MTR: variants seen among roughly 807,000 people sequenced by gnomAD.
MTR encodes 5-methyltetrahydrofolate-homocysteine methyltransferase.
A neutral mutation model predicts 154.8 loss-of-function variants in MTR; 84 were observed. That is an observed-to-expected ratio of 0.54 (90% CI 0.45 to 0.65). The LOEUF (loss-of-function observed/expected upper bound fraction) is 0.65, where lower values mean the gene tolerates loss of function less well. Ranked by LOEUF, MTR falls within the 30% of genes least tolerant of loss-of-function variation. The pLI is 0.00. For synonymous variants in MTR, 554 were observed against 553.9 expected (o/e 1.00, Z 0.00); for missense variants, 1,275 against 1,570.2 (o/e 0.81, Z 3.18).
chr1:236,853,301 CT>C (rs1466357008), intron 18 of MTR, among the ~76,000 whole-genome samples: 1 of 152,110 alleles, frequency 6.6e-6, no homozygotes, highest in African/African-American at 2.4e-5. Context: ...GTATTCTGAA[CT>C]TAGGTTTCTT....
At chr1:236,812,376 C>T (rs1661353171) in intron 5 of MTR, among the ~76,000 whole-genome samples, 2 of 152,232 alleles carry the variant, frequency 1.3e-5, no homozygotes, top group African/African-American at 2.4e-5. Flanking sequence ...TGGCATGTTT[C>T]TCACAGCCAT....
intron 1 of MTR, among the ~76,000 whole-genome samples, chr1:236,801,694 C>T (rs1257525871): frequency 1.3e-5 from 2 of 152,202 alleles, no homozygotes; most frequent in Non-Finnish European, 2.9e-5. Context: ...TAGCTTAGAA[C>T]CAGCCCCATT....
intron 10 of MTR, 102 bp downstream of exon 10, chr1:236,825,501 G>T: frequency 8.5e-7 from 1 of 1,179,928 alleles, no homozygotes; most frequent in Admixed American, 1.7e-5. Flanking sequence ...AAATCCCAAT[G>T]TACATATAAC....
chr1:236,861,846 T>A (rs1257351646), intron 20 of MTR, among the ~76,000 whole-genome samples: 1 of 152,166 alleles, frequency 6.6e-6, no homozygotes, highest in Admixed American at 6.5e-5. Flanking sequence ...TAAGACTGGA[T>A]TTTAAGTGAG....
chr1:236,846,487 T>C (rs1378911811), intron 15 of MTR, among the ~76,000 whole-genome samples: 3 of 152,226 alleles, frequency 2.0e-5, no homozygotes, highest in African/African-American at 7.2e-5. Context: ...ATTTTCTTGT[T>C]TTAAAATGAT....
At chr1:236,838,696 A>G in intron 15 of MTR, 97 bp downstream of exon 15, 1 of 1,223,602 alleles carries the variant, frequency 8.2e-7, no homozygotes, top group East Asian at 2.4e-5. Flanking sequence ...ATACATACAC[A>G]TATACATTTA....
chr1:236,846,033 G>A (rs1225477278), intron 15 of MTR, among the ~76,000 whole-genome samples: 1 of 152,202 alleles, frequency 6.6e-6, no homozygotes, highest in African/African-American at 2.4e-5. Context: ...TTGAGTGTTT[G>A]GTTAATGTCT....
intron 24 of MTR, among the ~76,000 whole-genome samples, chr1:236,875,258 G>C (rs778286166): frequency 2.0e-4 from 31 of 152,166 alleles, no homozygotes; most frequent in Admixed American, 5.2e-4. Context: ...ATGATTACAG[G>C]TTCCTTTGAA....
Position 236,901,357 on chromosome 1 carries a change from A to AT in MTR, c.*3715dup, listed in dbSNP as rs1026889286. On this transcript the variant is annotated 3_prime_UTR_variant, in exon 33 of 33. Coordinates refer to ENST00000366577, the MANE Select transcript of MTR (RefSeq NM_000254.3). ...AAAGAAGATTGGAGGGAAAGGTAGG[A>AT]TTGAGAGTGTTTCAGACAGAAAAAG... 1 of 152,288 alleles carries AT rather than the reference A, an allele frequency of 6.6e-6. No homozygotes were observed. The highest frequency in any genetic ancestry group is 2.4e-5 in the African/African-American group (1 of 41,410). The allele number at this position is 152,288 out of a possible 1,614,324, so 9.4% of individuals were successfully genotyped here.
chr1:236,815,421 A>G (rs1389883319), intron 6 of MTR, among the ~76,000 whole-genome samples, 183 bp from the exon 7 acceptor site: 1 of 152,238 alleles, frequency 6.6e-6, no homozygotes, highest in African/African-American at 2.4e-5. Flanking sequence ...CAATATGCAC[A>G]GTATTACACT....
chr1:236,845,682 A>G (rs544014101), intron 15 of MTR, among the ~76,000 whole-genome samples: 20 of 152,374 alleles, frequency 1.3e-4, no homozygotes, highest in East Asian at 1.9e-4. Flanking sequence ...TTACTGGACT[A>G]TTCTCCAGAG....
intron 1 of MTR, among the ~76,000 whole-genome samples, chr1:236,796,821 G>GATTT (rs1326721393): frequency 6.6e-6 from 1 of 151,070 alleles, no homozygotes; most frequent in Non-Finnish European, 1.5e-5. Context: ...CCCTATAAGA[G>GATTT]ATTTATATCT....
chr1:236,838,554 G>A lies in MTR; in HGVS notation c.1470G>A (p.Lys490=), dbSNP rs571491718. The A allele has an allele frequency of 3.7e-6, 6 of 1,614,152 alleles. No homozygotes were observed. The South Asian group carries it at 5.5e-5, about 15-fold the overall frequency. ...DFLEKARKIK[K]YGAAMVVMAF... is the part of the protein sequence containing the mutation. ...TGGAGAAGGCCAGGAAGATTAAAAA[G>A]TATGGAGCTGCTATGGTGGTCATGG... The change falls in exon 15 of 33, where the codon AAG becomes AAA. Residue 490 remains lysine (K), a synonymous_variant. Coordinates refer to ENST00000366577, the MANE Select transcript of MTR (RefSeq NM_000254.3).
intron 14 of MTR, among the ~76,000 whole-genome samples, chr1:236,837,286 G>A (rs1034870378): frequency 2.6e-5 from 4 of 152,190 alleles, no homozygotes; most frequent in Non-Finnish European, 5.9e-5. Flanking sequence ...TTTTTTGCTC[G>A]TTTGGTGGCG....
intron 29 of MTR, among the ~76,000 whole-genome samples, chr1:236,893,383 A>G (rs1226552983): frequency 2.6e-5 from 4 of 152,122 alleles, no homozygotes; most frequent in Non-Finnish European, 4.4e-5. Context: ...TGATTAATTG[A>G]TCAGTCCTGA....
In MTR at chr1:236,902,367, T is replaced by C. The variant is rs1666955221; in HGVS notation, c.*4723T>C. On this transcript the variant is annotated 3_prime_UTR_variant, in exon 33 of 33. Coordinates refer to ENST00000366577, the MANE Select transcript of MTR (RefSeq NM_000254.3). ...TCTTCTTGCCTCTGTAACACCGCCA[T>C]GCACATTTCATACAGCCCTTGCTGA... 6.7e-6 allele frequency: 1 copy of C among 148,600 alleles called. No homozygotes were observed. The highest frequency in any genetic ancestry group is 2.5e-5 in the African/African-American group (1 of 40,792). 9.2% of individuals were successfully genotyped at this position (148,600 alleles called of 1,614,324 possible). A position where few individuals can be genotyped will look rare whatever the true frequency, so the allele number is the denominator to read the frequency against.
chr1:236,897,310 G>GCGCGCACACACACACA, intron 32 of MTR, among the ~76,000 whole-genome samples, 192 bp downstream of exon 32: 1 of 128,612 alleles, frequency 7.8e-6, no homozygotes, highest in Non-Finnish European at 1.7e-5. Context: ...CCACACACAC[G>GCGCGCACACACACACA]CACACACACA....
rs541018953 is a variant in MTR, at chr1:236,799,921, G to A, written c.35-3507G>A. 10 of 343,882 alleles carry A rather than the reference G, an allele frequency of 2.9e-5. No homozygotes were observed. In the East Asian group the frequency reaches 1.3e-3, roughly 46 times the overall value. 21.3% of individuals were successfully genotyped at this position (343,882 alleles called of 1,614,324 possible). A position where few individuals can be genotyped will look rare whatever the true frequency, so the allele number is the denominator to read the frequency against. ...AGGTTTCTGAAAAACCAAAGCAGAT[G>A]TTTTTAAACAGCTTTTGATCTCTTG... On this transcript the variant is annotated intron_variant, in intron 1 of 32. Transcript: ENST00000366577.
rs1480248085 is a variant in MTR at position 236,900,501 on chromosome 1, T to C, written c.*2857T>C. ...GAAGGGACAGGAGCACATAGGTAGA[T>C]GCCAAGTTATGCAGCTGTTCTGGTT... On this transcript the variant is annotated 3_prime_UTR_variant, in exon 33 of 33. Transcript: ENST00000366577. 6.5e-6 allele frequency: 1 copy of C among 154,690 alleles called. No individual in the cohort carries two copies. The highest frequency in any genetic ancestry group is 1.9e-4 in the East Asian group (1 of 5,262). The allele number at this position is 154,690 out of a possible 1,614,324, so 9.6% of individuals were successfully genotyped here.
Sources: allele counts gnomAD v4.1 joint callset (sites outside exome capture counted in the v4.1 genomes callset), GRCh38; gene constraint gnomAD v4.1.1; transcripts MANE v1.5; gene names NCBI Gene and HGNC (gene_info 2026-07-23, HGNC 2026-07-21).